ACAD11: variants seen among roughly 807,000 people sequenced by gnomAD.
ACAD11 encodes the protein acyl-CoA dehydrogenase family member 11, also known as acyl-Coenzyme A dehydrogenase family, member 11.
In ACAD11, 83 loss-of-function variants were observed where a neutral mutation model predicts 102.2. The observed-to-expected ratio is 0.81, with a 90% CI of 0.68 to 0.97. The LOEUF (loss-of-function observed/expected upper bound fraction) is 0.97, where lower values mean the gene tolerates loss of function less well. Ranked by LOEUF, ACAD11 falls within the 50% of genes least tolerant of loss-of-function variation. The pLI, the probability that ACAD11 is intolerant of heterozygous loss-of-function variation, is 0.00. For synonymous variants in ACAD11, 324 were observed against 319.8 expected (o/e 1.01, Z -0.14); for missense variants, 901 against 951.7 (o/e 0.95, Z 0.70).
chr3:132,614,429 ACG>A (rs1444252350), intron 11 of ACAD11, among the ~76,000 whole-genome samples: 1 of 152,224 alleles, frequency 6.6e-6, no homozygotes, highest in Non-Finnish European at 1.5e-5. Flanking sequence ...AAACTATACT[ACG>A]AGGCTACAGT....
chr3:132,623,745 G>A (rs1476550425), intron 9 of ACAD11, among the ~76,000 whole-genome samples: 1 of 152,102 alleles, frequency 6.6e-6, no homozygotes, highest in Non-Finnish European at 1.5e-5. Context: ...AAGTTCAGCA[G>A]AGTATCACAA....
chr3:132,575,445 A>G (rs997755788), intron 17 of ACAD11, among the ~76,000 whole-genome samples: 2 of 152,184 alleles, frequency 1.3e-5, no homozygotes, highest in African/African-American at 4.8e-5. Flanking sequence ...TGGACAAGGC[A>G]AATCCTTCTT....
At chr3:132,642,605 C>T in intron 3 of ACAD11, 72 bp downstream of exon 3, 1 of 1,409,236 alleles carries the variant, frequency 7.1e-7, no homozygotes, top group Non-Finnish European at 9.7e-7. Flanking sequence ...TATTAAGTAT[C>T]ATAATAAAAC....
Position 132,559,921 on chromosome 3 carries a change from C to T in ACAD11, c.2140G>A (p.Ala714Thr), listed in dbSNP as rs772769438. 3 of 1,613,140 alleles carry T rather than the reference C, an allele frequency of 1.9e-6. No individual in the cohort carries two copies. Among genetic ancestry groups the T allele is most frequent in the Admixed American group, 3.3e-5 (2 of 59,992 alleles). ...KKEIAMIKVA[A>T]PRAVSKIVDW... ...ACGATTTTGCTGACAGCCCGTGGGG[C>T]AGCCACTTTGATCATTGCAATCTAT... Residue 714 changes from alanine (A) to threonine (T), a missense_variant, in exon 19 of 20, where the codon GCC (alanine) becomes ACC (threonine). Ala to Thr is a moderately conservative substitution (Grantham distance 58, BLOSUM62 0). Transcript: ENST00000264990.
At chr3:132,655,188 C>A (rs1937717260) in intron 1 of ACAD11, among the ~76,000 whole-genome samples, 1 of 152,226 alleles carries the variant, frequency 6.6e-6, no homozygotes, top group Non-Finnish European at 1.5e-5. Context: ...ATTCTACACT[C>A]CCACTCTGGT....
At chr3:132,642,847 A>G (rs908319594) in intron 2 of ACAD11, 45 bp from the exon 3 acceptor site, 1 of 1,571,076 alleles carries the variant, frequency 6.4e-7, no homozygotes, top group Middle Eastern at 1.7e-4. Flanking sequence ...AACTGATTTA[A>G]TTGTAATTAA....
At chr3:132,589,488 T>C (rs763234963) in intron 13 of ACAD11, among the ~76,000 whole-genome samples, 2 of 152,206 alleles carry the variant, frequency 1.3e-5, no homozygotes, top group Non-Finnish European at 1.5e-5. Context: ...ACTTCTAATT[T>C]TTCAACTGGA....
At chr3:132,630,603 G>A (rs1559967532) in intron 6 of ACAD11, 45 bp from the exon 7 acceptor site, 1 of 1,545,476 alleles carries the variant, frequency 6.5e-7, no homozygotes, top group Non-Finnish European at 8.8e-7. Context: ...AAATGTCGTG[G>A]TGAATATTTC....
chr3:132,575,713 G>A (rs1937512409), intron 17 of ACAD11, 59 bp downstream of exon 17: 1 of 1,585,678 alleles, frequency 6.3e-7, no homozygotes, highest in African/African-American at 1.3e-5. Context: ...TAATGTTTTT[G>A]TTCAATGTTA....
rs142473789 is a variant in ACAD11 at position 132,594,633 on chromosome 3, C to T, written c.1621+8596G>A. Among the ~76,000 whole-genome samples the T allele has an allele frequency of 6.8e-4, 104 of 152,230 alleles. 1 individual carries two copies. The highest frequency in any genetic ancestry group is 1.9e-3 in the African/African-American group (81 of 41,544). On this transcript the variant is annotated intron_variant, in intron 13 of 19. Transcript: ENST00000264990. Reference sequence around the variant, plus strand: ...CAATACAGTGAAAAGACTGGTATATCTGATCTAATCTGAAAGAGTTATGGA... The same window carrying T: ...CAATACAGTGAAAAGACTGGTATATTTGATCTAATCTGAAAGAGTTATGGA...
Position 132,559,874 on chromosome 3 carries a change from G to A in ACAD11, c.2187C>T (p.Cys729=), listed in dbSNP as rs200528059. The A allele has an allele frequency of 4.8e-5, 77 of 1,613,360 alleles. 2 individuals are homozygous for A. Among genetic ancestry groups the A allele is most frequent in the Middle Eastern group, 1.6e-4 (1 of 6,082 alleles). The part of the protein sequence containing the change: ...SKIVDWAIQV[C]GGAGVSQDYP... ...AATCCTGGGAAACACCAGCACCTCCGCACACCTGGATGGCCCAGTCAACGA... is the reference window on the plus strand; with the variant it reads ...AATCCTGGGAAACACCAGCACCTCCACACACCTGGATGGCCCAGTCAACGA... The change falls in exon 19 of 20, where the codon TGC becomes TGT. Residue 729 remains cysteine (C), a synonymous_variant. Transcript: ENST00000264990.
intron 10 of ACAD11, 120 bp from the exon 11 acceptor site, chr3:132,618,892 T>A (rs1185347010): frequency 5.9e-6 from 6 of 1,010,236 alleles, no homozygotes; most frequent in Non-Finnish European, 7.9e-6. Flanking sequence ...TATGGAGTTA[T>A]TTATTTTACT....
chr3:132,632,108 G>C (rs1940067523), intron 5 of ACAD11, among the ~76,000 whole-genome samples: 1 of 149,244 alleles, frequency 6.7e-6, no homozygotes, highest in South Asian at 2.1e-4. Context: ...TTTTGAGACG[G>C]AGTCTCGCTC....
chr3:132,641,015 A>G (rs1940472966), intron 4 of ACAD11, among the ~76,000 whole-genome samples: 1 of 152,180 alleles, frequency 6.6e-6, no homozygotes, highest in African/African-American at 2.4e-5. Context: ...AGGGCATCCC[A>G]ACTTCCACCC....
At chr3:132,617,862 C>T (rs1939467427) in intron 11 of ACAD11, among the ~76,000 whole-genome samples, 1 of 152,144 alleles carries the variant, frequency 6.6e-6, no homozygotes, top group Non-Finnish European at 1.5e-5. Context: ...ACATCAATCA[C>T]ACTCTTGCCT....
At chr3:132,562,748 C>A (rs1937098948) in intron 17 of ACAD11, among the ~76,000 whole-genome samples, 1 of 152,068 alleles carries the variant, frequency 6.6e-6, no homozygotes, top group African/African-American at 2.4e-5. Context: ...CTGTTAAAGT[C>A]TTTTGTCCAT....
At chr3:132,628,905 G>T (rs1939926495) in intron 7 of ACAD11, among the ~76,000 whole-genome samples, 2 of 152,182 alleles carry the variant, frequency 1.3e-5, no homozygotes, top group South Asian at 2.1e-4. Context: ...CTTTCAAACA[G>T]TGTTAGTTGA....
chr3:132,641,674 GGAA>G lies in ACAD11; in HGVS notation c.537+295_537+297del, dbSNP rs1559973991. 1.8e-3 allele frequency among the ~76,000 whole-genome samples: 202 copies of G among 113,116 alleles called. 3 individuals carry two copies. The highest frequency in any genetic ancestry group is 7.7e-3 in the African/African-American group (171 of 22,300). 74.2% of individuals were successfully genotyped at this position (113,116 alleles called of 152,430 possible). A position where few individuals can be genotyped will look rare whatever the true frequency, so the allele number is the denominator to read the frequency against. On this transcript the variant is annotated intron_variant, in intron 4 of 19. Coordinates refer to ENST00000264990, the MANE Select transcript of ACAD11 (RefSeq NM_032169.5). ...AGGAGGAAGAAGAGGAGGAAGAAGA[GGAA>G]GAGGAAGAGGAAGAGGAAGAGGAAG...
At chr3:132,610,889 C>G (rs1939105934) in intron 11 of ACAD11, among the ~76,000 whole-genome samples, 1 of 152,130 alleles carries the variant, frequency 6.6e-6, no homozygotes, top group Non-Finnish European at 1.5e-5. Flanking sequence ...CAGCATCATC[C>G]TGATACCAAA....
Sources: gnomAD v4.1 joint callset for allele counts (sites outside exome capture counted in the v4.1 genomes callset) on GRCh38, gnomAD v4.1.1 for gene constraint, MANE v1.5 for transcripts, NCBI Gene and HGNC (gene_info 2026-07-23, HGNC 2026-07-21) for gene names.